Variants in HHAT observed in about 807,000 individuals in gnomAD.
HHAT encodes the protein hedgehog acyltransferase.
A neutral mutation model predicts 70.8 loss-of-function variants in HHAT; 47 were observed. That is an observed-to-expected ratio of 0.66 (90% CI 0.53 to 0.85). HHAT has a LOEUF of 0.85. Among genes scored for constraint, HHAT ranks in the 40% least tolerant of loss-of-function variants. The pLI is 0.00. For synonymous variants in HHAT, 228 were observed against 247.6 expected, an observed-to-expected ratio of 0.92 and a Z score of 0.74; for missense variants, 609 against 604.8, an observed-to-expected ratio of 1.01 and a Z score of -0.07.
At chr1:210,522,414 C>G (rs2095172099) in intron 9 of HHAT, among the ~76,000 whole-genome samples, 1 of 152,148 alleles carries the variant, frequency 6.6e-6, no homozygotes, top group African/African-American at 2.4e-5. Flanking sequence ...AAGTGAAGAA[C>G]ATGTAAGTGA....
intron 9 of HHAT, among the ~76,000 whole-genome samples, chr1:210,525,911 T>C (rs561540660): frequency 2.6e-5 from 4 of 152,218 alleles, no homozygotes; most frequent in Non-Finnish European, 5.9e-5. Context: ...TGACAGGCCA[T>C]TTGTTAAGTG....
intron 6 of HHAT, 74 bp from the exon 7 acceptor site, chr1:210,418,080 A>G (rs572610415): frequency 7.0e-7 from 1 of 1,430,868 alleles, no homozygotes; most frequent in South Asian, 1.2e-5. Flanking sequence ...TGGGAAGTTT[A>G]TGAAAAATCT....
At chr1:210,361,345 A>G (rs1030223044) in intron 2 of HHAT, among the ~76,000 whole-genome samples, 4 of 152,214 alleles carry the variant, frequency 2.6e-5, no homozygotes, top group African/African-American at 9.7e-5. Context: ...CGCACACACA[A>G]TGGTCTTGCG....
chr1:210,600,578 C>G (rs1423006416), intron 10 of HHAT, among the ~76,000 whole-genome samples: 1 of 152,112 alleles, frequency 6.6e-6, no homozygotes, highest in Non-Finnish European at 1.5e-5. Context: ...TTGGTTGTGA[C>G]TCACTGAGGC....
intron 11 of HHAT, among the ~76,000 whole-genome samples, chr1:210,650,954 C>G (rs1030933053): frequency 6.6e-6 from 1 of 152,136 alleles, no homozygotes; most frequent in African/African-American, 2.4e-5. Context: ...GACTCATCAG[C>G]TATATGAAAT....
chr1:210,350,078 A>T (rs183954960), intron 2 of HHAT, among the ~76,000 whole-genome samples: 1 of 152,352 alleles, frequency 6.6e-6, no homozygotes, highest in East Asian at 1.9e-4. Context: ...GTAGCTTTAC[A>T]TTAAGTCTTG....
chr1:210,595,788 C>T (rs954339843), intron 10 of HHAT, among the ~76,000 whole-genome samples: 17 of 152,216 alleles, frequency 1.1e-4, no homozygotes, highest in Non-Finnish European at 2.1e-4. Flanking sequence ...CTATTCATAT[C>T]CTTCGCCCAC....
intron 10 of HHAT, among the ~76,000 whole-genome samples, chr1:210,611,360 A>G (rs1289282584): frequency 2.0e-5 from 3 of 151,954 alleles, no homozygotes; most frequent in Non-Finnish European, 4.4e-5. Flanking sequence ...CATGATTTTT[A>G]TATGCTGAGA....
At chr1:210,442,766 A>G (rs2093550176) in intron 7 of HHAT, among the ~76,000 whole-genome samples, 1 of 152,100 alleles carries the variant, frequency 6.6e-6, no homozygotes, top group African/African-American at 2.4e-5. Context: ...TTGTCAGATG[A>G]GTAGGTTGCG....
At position 210,561,596 on chromosome 1, in the gene HHAT, C is replaced by T. The variant is rs1011379208; in HGVS notation, c.1044-26302C>T. Among the ~76,000 whole-genome samples, 10 of 152,198 alleles carry T rather than the reference C, an allele frequency of 6.6e-5. No homozygotes were observed. In the East Asian group the frequency reaches 1.3e-3, roughly 20 times the overall value. On this transcript the variant is annotated intron_variant, in intron 9 of 11. Coordinates refer to ENST00000261458, the MANE Select transcript of HHAT (RefSeq NM_018194.6). ...CCTTGTTTTACTGCTGCTCTGTATG[C>T]TACTCACATTACCTTAAACTGCTGT...
At chr1:210,537,279 A>C (rs991144274) in intron 9 of HHAT, among the ~76,000 whole-genome samples, 1 of 152,134 alleles carries the variant, frequency 6.6e-6, no homozygotes, top group African/African-American at 2.4e-5. Context: ...TGTGCTACGA[A>C]GTCCCTCACC....
At chr1:210,571,865 A>G (rs181308851) in intron 9 of HHAT, among the ~76,000 whole-genome samples, 3 of 152,338 alleles carry the variant, frequency 2.0e-5, no homozygotes, top group African/African-American at 2.4e-5. Flanking sequence ...CACACGTTTA[A>G]TGTCATCCTT....
At chr1:210,589,156 A>G (rs1661121958) in intron 10 of HHAT, 1 of 152,262 alleles carries the variant, frequency 6.6e-6, no homozygotes, top group Admixed American at 6.5e-5. Flanking sequence ...ATGTGGCTAC[A>G]TTCCACCCAG....
chr1:210,662,600 C>T (rs781235588), intron 11 of HHAT, among the ~76,000 whole-genome samples: 1 of 152,140 alleles, frequency 6.6e-6, no homozygotes, highest in Non-Finnish European at 1.5e-5. Context: ...ATAGCAACCA[C>T]TGCAGTGGAC....
intron 3 of HHAT, among the ~76,000 whole-genome samples, chr1:210,366,776 G>A (rs1178330061): frequency 6.6e-6 from 1 of 152,122 alleles, no homozygotes; most frequent in Non-Finnish European, 1.5e-5. Flanking sequence ...ATGCCGATTT[G>A]CCATTCTTAC....
intron 8 of HHAT, among the ~76,000 whole-genome samples, chr1:210,507,660 T>C (rs1180062422): frequency 6.6e-6 from 1 of 151,950 alleles, no homozygotes; most frequent in East Asian, 1.9e-4. Context: ...CACCTGGCCA[T>C]GAGAATATAT....
At chr1:210,661,550 G>A (rs1038038583) in intron 11 of HHAT, among the ~76,000 whole-genome samples, 1 of 152,048 alleles carries the variant, frequency 6.6e-6, no homozygotes, top group Admixed American at 6.5e-5. Context: ...CCCATTACTG[G>A]GTATATACCC....
chr1:210,446,256 G>T (rs2093632291), intron 7 of HHAT, among the ~76,000 whole-genome samples: 1 of 152,168 alleles, frequency 6.6e-6, no homozygotes, highest in African/African-American at 2.4e-5. Context: ...GAGTATTGAG[G>T]TTATGAACCT....
chr1:210,399,392 G>T (rs1207524313), intron 4 of HHAT, among the ~76,000 whole-genome samples: 2 of 152,124 alleles, frequency 1.3e-5, no homozygotes, highest in African/African-American at 4.8e-5. Context: ...GGGTAGTTGG[G>T]ATTACAGTCA....
Sources: allele counts gnomAD v4.1 joint callset (sites outside exome capture counted in the v4.1 genomes callset), GRCh38; gene constraint gnomAD v4.1.1; transcripts MANE v1.5; gene names NCBI Gene and HGNC (gene_info 2026-07-23, HGNC 2026-07-21).